The following HFM1 variants were observed in gnomAD, a reference collection of about 807,000 sequenced individuals.
HFM1 encodes probable ATP-dependent DNA helicase HFM1.
In HFM1, 169 loss-of-function variants were observed where a neutral mutation model predicts 192.1. That is an observed-to-expected ratio of 0.88 (90% CI 0.78 to 1.00). The LOEUF (loss-of-function observed/expected upper bound fraction) is 1.00, where lower values mean the gene tolerates loss of function less well. Ranked by LOEUF, HFM1 falls within the 50% of genes least tolerant of loss-of-function variation. The pLI, the probability that HFM1 is intolerant of heterozygous loss-of-function variation, is 0.00. For missense variants in HFM1, 1,661 were observed against 1,668.0 expected, an observed-to-expected ratio of 1.00 and a Z score of 0.07; for synonymous variants, 525 against 537.8, an observed-to-expected ratio of 0.98 and a Z score of 0.33.
chr1:91,279,050 C>T (rs1042914232), intron 30 of HFM1, among the ~76,000 whole-genome samples: 2 of 152,112 alleles, frequency 1.3e-5, no homozygotes, highest in Non-Finnish European at 1.5e-5. Context: ...CAACATCTTA[C>T]TTCCTGAGAG....
chr1:91,307,841 T>A (rs1649867131), intron 30 of HFM1, among the ~76,000 whole-genome samples: 1 of 151,056 alleles, frequency 6.6e-6, no homozygotes, highest in South Asian at 2.1e-4. Flanking sequence ...CCTCTTTCTT[T>A]CTCTTCTTTC....
At chr1:91,366,775 C>T (rs973424993) in intron 13 of HFM1, among the ~76,000 whole-genome samples, 3 of 152,192 alleles carry the variant, frequency 2.0e-5, no homozygotes, top group Admixed American at 2.0e-4. Flanking sequence ...ATAGCGGGTG[C>T]AGTGCACCGA....
Position 91,288,851 on chromosome 1 carries a change from C to T in HFM1, c.3392-11789G>A, listed in dbSNP as rs955833081. Among the ~76,000 whole-genome samples, 10 of 152,342 alleles carry T rather than the reference C, an allele frequency of 6.6e-5. No individual in the cohort carries two copies. The South Asian group carries it at 1.9e-3, about 28-fold the overall frequency. On this transcript the variant is annotated intron_variant, in intron 30 of 38. Transcript: ENST00000370425. Reference sequence around the variant, plus strand: ...TTCCCCCTTTTCTATTCAACAAAACCGCCATCGTCATCATGGCCCTTTCTC... The same window carrying T: ...TTCCCCCTTTTCTATTCAACAAAACTGCCATCGTCATCATGGCCCTTTCTC...
At chr1:91,318,938 C>A in intron 25 of HFM1, 140 bp downstream of exon 25, 1 of 694,220 alleles carries the variant, frequency 1.4e-6, no homozygotes, top group Non-Finnish European at 2.2e-6. Context: ...ATCAGATTTT[C>A]GAAAGTACAG....
At chr1:91,278,702 A>AT (rs1213800904) in intron 30 of HFM1, among the ~76,000 whole-genome samples, 1 of 152,172 alleles carries the variant, frequency 6.6e-6, no homozygotes, top group African/African-American at 2.4e-5. Flanking sequence ...GCTGCTCAAC[A>AT]TATGAGGCAA....
intron 20 of HFM1, among the ~76,000 whole-genome samples, chr1:91,335,771 G>A (rs1312638903): frequency 2.6e-5 from 4 of 151,982 alleles, no homozygotes; most frequent in Admixed American, 6.6e-5. Context: ...ACTGCAAGAC[G>A]TGTCAGTGAC....
chr1:91,263,965 A>T (rs1449384115), intron 36 of HFM1, among the ~76,000 whole-genome samples: 6 of 152,184 alleles, frequency 3.9e-5, no homozygotes, highest in African/African-American at 1.4e-4. Flanking sequence ...TGATTTACCT[A>T]CTTTTTGCTT....
chr1:91,274,327 T>A (rs560586802), intron 33 of HFM1, among the ~76,000 whole-genome samples: 1 of 152,044 alleles, frequency 6.6e-6, no homozygotes, highest in South Asian at 2.1e-4. Context: ...AATGCACAAA[T>A]GTGTAATTTT....
At chr1:91,396,022 T>TA (rs1343570825) in intron 3 of HFM1, among the ~76,000 whole-genome samples, 1 of 152,056 alleles carries the variant, frequency 6.6e-6, no homozygotes, top group East Asian at 1.9e-4. Flanking sequence ...CTAGTTTTTT[T>TA]GTATTTTTAG....
chr1:91,373,409 C>T (rs1444848112), intron 13 of HFM1, among the ~76,000 whole-genome samples: 1 of 152,086 alleles, frequency 6.6e-6, no homozygotes, highest in Non-Finnish European at 1.5e-5. Flanking sequence ...AAGTTATTAA[C>T]AATAATAATA....
intron 20 of HFM1, among the ~76,000 whole-genome samples, chr1:91,335,926 C>A (rs1392623700): frequency 1.3e-5 from 2 of 152,044 alleles, no homozygotes; most frequent in African/African-American, 2.4e-5. Flanking sequence ...GCCAAATGTT[C>A]TTAGGATTGC....
chr1:91,361,959 T>C (rs1019662629), intron 13 of HFM1, among the ~76,000 whole-genome samples: 23 of 152,084 alleles, frequency 1.5e-4, no homozygotes, highest in African/African-American at 5.3e-4. Context: ...ATTATCCCAA[T>C]AGACACAGAA....
intron 34 of HFM1, among the ~76,000 whole-genome samples, chr1:91,273,240 A>C (rs1352900286): frequency 2.6e-5 from 4 of 152,072 alleles, no homozygotes; most frequent in Non-Finnish European, 5.9e-5. Context: ...AGAATTGGAG[A>C]GATATTAAAG....
chr1:91,395,083 C>T (rs982110887), intron 3 of HFM1, among the ~76,000 whole-genome samples: 1 of 151,890 alleles, frequency 6.6e-6, no homozygotes, highest in African/African-American at 2.4e-5. Flanking sequence ...GTGCATGAAC[C>T]TATGACCCAA....
chr1:91,375,280 G>A, intron 13 of HFM1, 78 bp downstream of exon 13: 1 of 981,948 alleles, frequency 1.0e-6, no homozygotes, highest in South Asian at 1.5e-5. Flanking sequence ...AAGGTTATGG[G>A]ACAAGCCTAA....
intron 37 of HFM1, 24 bp downstream of exon 37, chr1:91,262,457 A>G: frequency 6.4e-7 from 1 of 1,574,568 alleles, no homozygotes; most frequent in Non-Finnish European, 8.7e-7. Context: ...TTTAAAAGAA[A>G]AACAAAGAAG....
intron 4 of HFM1, among the ~76,000 whole-genome samples, chr1:91,392,855 G>C (rs991918080): frequency 6.6e-6 from 1 of 152,124 alleles, no homozygotes; most frequent in African/African-American, 2.4e-5. Flanking sequence ...GAAATGTTTA[G>C]AATAGATAAA....
At chr1:91,294,380 T>C (rs1247575535) in intron 30 of HFM1, among the ~76,000 whole-genome samples, 1 of 152,184 alleles carries the variant, frequency 6.6e-6, no homozygotes, top group Non-Finnish European at 1.5e-5. Flanking sequence ...TCATACAGTA[T>C]TACCTTTTTG....
intron 30 of HFM1, among the ~76,000 whole-genome samples, chr1:91,300,903 C>A (rs1431483680): frequency 1.3e-5 from 2 of 152,150 alleles, no homozygotes; most frequent in Non-Finnish European, 2.9e-5. Flanking sequence ...CTCACCACTC[C>A]TATTCAACAC....
Sources: allele counts gnomAD v4.1 joint callset (sites outside exome capture counted in the v4.1 genomes callset), GRCh38; gene constraint gnomAD v4.1.1; transcripts MANE v1.5; gene names NCBI Gene and HGNC (gene_info 2026-07-23, HGNC 2026-07-21).